CACNA1C: variants seen among roughly 807,000 people sequenced by gnomAD.
The protein encoded by CACNA1C is voltage-dependent L-type calcium channel subunit alpha-1C.
Under a neutral mutation model 229.0 loss-of-function variants are expected in CACNA1C, and 30 were observed. The ratio of observed to expected loss-of-function variants is 0.13; its 90% confidence interval spans 0.10 to 0.18. CACNA1C has a LOEUF of 0.18. Among genes scored for constraint, CACNA1C ranks in the 10% least tolerant of loss-of-function variants. The pLI, the probability that CACNA1C is intolerant of heterozygous loss-of-function variation, is 1.00. For synonymous variants in CACNA1C, 1,114 were observed against 1,132.5 expected (o/e 0.98, Z 0.33); for missense variants, 1,658 against 2,845.0 (o/e 0.58, Z 9.49).
intron 11 of CACNA1C, among the ~76,000 whole-genome samples, chr12:2,565,220 G>C (rs1461903270): frequency 6.6e-6 from 1 of 152,102 alleles, no homozygotes; most frequent in Non-Finnish European, 1.5e-5. Flanking sequence ...TGTAATCCCA[G>C]CACTTTGGGA....
At chr12:2,302,226 A>G (rs1370642209) in intron 3 of CACNA1C, among the ~76,000 whole-genome samples, 1 of 151,972 alleles carries the variant, frequency 6.6e-6, no homozygotes, top group Non-Finnish European at 1.5e-5. Context: ...CCCATTCGCC[A>G]TTCTCTCCCA....
In CACNA1C at chr12:2,677,396, T is replaced by G. The variant is rs982915696; in HGVS notation, c.4956+175T>G. 20 of 698,930 alleles carry G rather than the reference T, an allele frequency of 2.9e-5. No homozygotes were observed. Among genetic ancestry groups the G allele is most frequent in the Admixed American group, 1.8e-4 (6 of 33,884 alleles). The allele number at this position is 698,930 out of a possible 1,614,324, so 43.3% of individuals were successfully genotyped here. On this transcript the variant is annotated intron_variant, in intron 40 of 46. Transcript: ENST00000399655. The surrounding 1 kb of genome is among the most constrained non-coding windows in gnomAD (Gnocchi z 7.4). ...GCTGTGAGAAGGGGGTGATGTGCCC[T>G]TCCCTACCTGCCACCCACCGACTGC... is the stretch of plus-strand genomic sequence containing the variant.
chr12:2,020,646 A>G (rs1196438829), intron 1 of CACNA1C: 1 of 152,236 alleles, frequency 6.6e-6, no homozygotes, highest in Non-Finnish European at 1.5e-5. Context: ...TGAGCAGGAA[A>G]GAAGGGAAGA....
At chr12:2,306,539 A>G (rs2095038898) in intron 3 of CACNA1C, among the ~76,000 whole-genome samples, 1 of 152,264 alleles carries the variant, frequency 6.6e-6, no homozygotes, top group Non-Finnish European at 1.5e-5. Context: ...GGTCCTAAAA[A>G]GAATTCCTCC....
At position 2,693,039 on chromosome 12, in the gene CACNA1C, T is replaced by C. The variant is rs2097804063; in HGVS notation, c.*1840T>C. The C allele has an allele frequency of 6.6e-6, 1 of 152,632 alleles. No homozygotes were observed. The highest frequency in any genetic ancestry group is 6.5e-5 in the Admixed American group (1 of 15,284). The allele number at this position is 152,632 out of a possible 1,614,324, so 9.5% of individuals were successfully genotyped here. A position where few individuals can be genotyped will look rare whatever the true frequency, so the allele number is the denominator to read the frequency against. On this transcript the variant is annotated 3_prime_UTR_variant, in exon 47 of 47. Coordinates refer to ENST00000399655, the MANE Select transcript of CACNA1C (RefSeq NM_000719.7). ...AGCAAAGGTATCACCAGTGTAGTCA[T>C]TATTCTGCTCTCCACAAACAGGTTT...
At chr12:2,559,305 C>A (rs2046250003) in intron 11 of CACNA1C, among the ~76,000 whole-genome samples, 1 of 152,190 alleles carries the variant, frequency 6.6e-6, no homozygotes, top group Non-Finnish European at 1.5e-5. Context: ...TGAATATGAT[C>A]TGGAGGATGG....
At chr12:2,023,659 G>A (rs1324366513) in intron 1 of CACNA1C, among the ~76,000 whole-genome samples, 1 of 152,204 alleles carries the variant, frequency 6.6e-6, no homozygotes, top group East Asian at 1.9e-4. Flanking sequence ...CAAGTCATTT[G>A]GGAGAGGTAC....
chr12:2,444,440 T>C (rs1235337915), intron 3 of CACNA1C, among the ~76,000 whole-genome samples: 2 of 152,172 alleles, frequency 1.3e-5, no homozygotes, highest in African/African-American at 4.8e-5. Flanking sequence ...TCTGATGGGA[T>C]GCACATGCTA....
At chr12:2,360,893 T>C (rs563197784) in intron 3 of CACNA1C, among the ~76,000 whole-genome samples, 7 of 152,286 alleles carry the variant, frequency 4.6e-5, no homozygotes, top group East Asian at 1.9e-4. Context: ...AGGAAAAATA[T>C]ACGAATCCAC....
At chr12:2,137,100 C>G (rs1255139136) in intron 3 of CACNA1C, among the ~76,000 whole-genome samples, 2 of 151,278 alleles carry the variant, frequency 1.3e-5, no homozygotes, top group Non-Finnish European at 3.0e-5. Context: ...CCTCTCGTGC[C>G]GAGAGGCTCC....
rs2095334513 is a variant in CACNA1C, at chr12:2,654,970, G to T, written c.4141-177G>T. Among the ~76,000 whole-genome samples, 1 of 152,100 alleles carries T rather than the reference G, an allele frequency of 6.6e-6. No homozygotes were observed. ...ATGCTTGTCCAGTGTAGGGATTTGG[G>T]CTCAGGGGCTGGGTGGGGCAGCAGG... On this transcript the variant is annotated intron_variant, in intron 33 of 46. Transcript: ENST00000399655. The surrounding 1 kb of genome is among the most constrained non-coding windows in gnomAD (Gnocchi z 4.4).
At chr12:2,088,984 C>A (rs1260686668) in intron 1 of CACNA1C, among the ~76,000 whole-genome samples, 2 of 152,112 alleles carry the variant, frequency 1.3e-5, no homozygotes, top group Non-Finnish European at 2.9e-5. Flanking sequence ...GCGCGCAGAC[C>A]TATATTCTTA....
At chr12:1,975,462 A>G (rs2034035199) in intron 1 of CACNA1C, among the ~76,000 whole-genome samples, 1 of 152,184 alleles carries the variant, frequency 6.6e-6, no homozygotes, top group Non-Finnish European at 1.5e-5. Flanking sequence ...AATACACATT[A>G]TATAGCCATA....
chr12:2,438,212 G>A (rs111211643), intron 3 of CACNA1C, among the ~76,000 whole-genome samples: 7 of 150,364 alleles, frequency 4.7e-5, no homozygotes, highest in African/African-American at 1.7e-4. Flanking sequence ...GGTGATGGTG[G>A]TGGTGGTGGT....
chr12:2,312,653 A>G (rs1405785014), intron 3 of CACNA1C, among the ~76,000 whole-genome samples: 1 of 152,160 alleles, frequency 6.6e-6, no homozygotes, highest in Non-Finnish European at 1.5e-5. Context: ...GCCCAGAACT[A>G]AACCCAATAC....
intron 8 of CACNA1C, among the ~76,000 whole-genome samples, chr12:2,508,017 G>C (rs1318761055): frequency 4.6e-5 from 7 of 152,248 alleles, no homozygotes; most frequent in African/African-American, 4.8e-5. Context: ...CAGGCACACA[G>C]AATCCCAGCA....
At chr12:2,473,944 A>T in intron 5 of CACNA1C, among the ~76,000 whole-genome samples, 1 of 152,178 alleles carries the variant, frequency 6.6e-6, no homozygotes, top group East Asian at 1.9e-4. Flanking sequence ...AGTTACCGTA[A>T]GTTGGCAGCA....
chr12:2,033,883 C>G (rs962607100), intron 1 of CACNA1C, among the ~76,000 whole-genome samples: 2 of 152,178 alleles, frequency 1.3e-5, no homozygotes, highest in Non-Finnish European at 1.5e-5. Flanking sequence ...ATACTGCCCT[C>G]GAAGACAGCT....
At chr12:2,012,446 A>G (rs981694828) in intron 1 of CACNA1C, among the ~76,000 whole-genome samples, 3 of 152,232 alleles carry the variant, frequency 2.0e-5, no homozygotes, top group African/African-American at 4.8e-5. Flanking sequence ...GAGTAGTTGC[A>G]ACAGAGACCA....
Sources: gnomAD v4.1 joint callset for allele counts (sites outside exome capture counted in the v4.1 genomes callset) on GRCh38, gnomAD v4.1.1 for gene constraint, Gnocchi (gnomAD v3.1) non-coding constraint, MANE v1.5 for transcripts, NCBI Gene and HGNC (gene_info 2026-07-23, HGNC 2026-07-21) for gene names.